LRRC37A2: variants seen among roughly 807,000 people sequenced by gnomAD.
LRRC37A2 encodes the protein leucine rich repeat containing 37 member A2.
Under a neutral mutation model 68.8 loss-of-function variants are expected in LRRC37A2, and 9 were observed. That is an observed-to-expected ratio of 0.13 (90% CI 0.08 to 0.23). The LOEUF is 0.23. Among genes scored for constraint, LRRC37A2 ranks in the 10% least tolerant of loss-of-function variants. The pLI, the probability that LRRC37A2 is intolerant of heterozygous loss-of-function variation, is 1.00. For synonymous variants in LRRC37A2, 63 were observed against 367.6 expected (o/e 0.17, Z 9.48); for missense variants, 168 against 950.4 (o/e 0.18, Z 10.82).
chr17:46,940,484 T>C, the LRRC37A2 span: 2 of 1,613,002 alleles, frequency 1.2e-6, no homozygotes, highest in Non-Finnish European at 1.7e-6. Context: ...GCCAGGGACC[T>C]AGCGCAGGAC....
the LRRC37A2 span, among the ~76,000 whole-genome samples, chr17:46,789,439 G>A: frequency 0.6 from 91,797 of 152,026 alleles, 28,004 homozygotes; most frequent in African/African-American, 0.67. Flanking sequence ...GAGCCTCTGG[G>A]GAGGAGTCCA....
the LRRC37A2 span, chr17:46,934,988 T>C: frequency 1.9e-6 from 3 of 1,597,860 alleles, no homozygotes; most frequent in African/African-American, 1.3e-5. Context: ...AGGAACTGAC[T>C]GATAAGCAAA....
At chr17:46,923,247 G>A in the LRRC37A2 span, 6 of 1,550,870 alleles carry the variant, frequency 3.9e-6, no homozygotes, top group Non-Finnish European at 5.2e-6. Context: ...GGAGCGGGCA[G>A]GGGCTAGACG....
the LRRC37A2 span, among the ~76,000 whole-genome samples, chr17:46,901,173 A>AT: frequency 6.6e-6 from 1 of 151,738 alleles, no homozygotes; most frequent in East Asian, 1.9e-4. Flanking sequence ...TATTATTATT[A>AT]TTTTTTTAGA....
the LRRC37A2 span, among the ~76,000 whole-genome samples, chr17:46,769,303 G>T: frequency 7.1e-6 from 1 of 140,994 alleles, no homozygotes. Flanking sequence ...GCGACTGAGC[G>T]AGACTCCGTC....
chr17:46,874,062 G>C, the LRRC37A2 span, among the ~76,000 whole-genome samples: 1 of 151,780 alleles, frequency 6.6e-6, no homozygotes, highest in Non-Finnish European at 1.5e-5. Flanking sequence ...TGCTCTCCAC[G>C]GTCTGCAGCC....
the LRRC37A2 span, among the ~76,000 whole-genome samples, chr17:46,989,987 C>A: frequency 6.6e-6 from 1 of 152,214 alleles, no homozygotes; most frequent in Non-Finnish European, 1.5e-5. Context: ...TATTGTTAAG[C>A]CATTCCGTTT....
At chr17:47,021,662 T>C in the LRRC37A2 span, 1 of 667,608 alleles carries the variant, frequency 1.5e-6, no homozygotes, top group Non-Finnish European at 2.5e-6. Context: ...GCCTCATCAT[T>C]TGTGCCAGTG....
At chr17:46,531,946 A>G (rs1268383516) in intron 6 of LRRC37A2, among the ~76,000 whole-genome samples, 21 of 142,554 alleles carry the variant, frequency 1.5e-4, no homozygotes, top group African/African-American at 5.1e-4. Flanking sequence ...TGGCTCTTAC[A>G]TTTAGGTATT....
the LRRC37A2 span, among the ~76,000 whole-genome samples, chr17:46,625,921 A>G: frequency 1.4e-5 from 2 of 142,002 alleles, no homozygotes; most frequent in African/African-American, 2.8e-5. Context: ...GCTGCTGCAT[A>G]ACAGGATTTG....
chr17:46,892,474 CCTG>C, the LRRC37A2 span, among the ~76,000 whole-genome samples: 1 of 152,248 alleles, frequency 6.6e-6, no homozygotes, highest in Admixed American at 6.5e-5. Context: ...CCAACTCACT[CCTG>C]CTCAGCCTTA....
chr17:46,794,152 A>G, the LRRC37A2 span, among the ~76,000 whole-genome samples: 1 of 151,988 alleles, frequency 6.6e-6, no homozygotes, highest in Non-Finnish European at 1.5e-5. Flanking sequence ...GAAGGAGGAC[A>G]TAGAACAGGG....
chr17:46,902,100 A>G, the LRRC37A2 span, among the ~76,000 whole-genome samples: 1 of 152,186 alleles, frequency 6.6e-6, no homozygotes, highest in Non-Finnish European at 1.5e-5. Flanking sequence ...GAGCCACGGC[A>G]CTGGGCCGCA....
At chr17:46,866,069 G>T in the LRRC37A2 span, among the ~76,000 whole-genome samples, 8 of 152,322 alleles carry the variant, frequency 5.3e-5, no homozygotes, top group African/African-American at 1.9e-4. Context: ...GCTGCAGGAC[G>T]TCATGGAGGA....
rs553938756 is a variant in LRRC37A2 at position 46,548,851 on chromosome 17, A to C, written c.3712A>C (p.Thr1238Pro). 2.4e-5 allele frequency: 38 copies of C among 1,612,388 alleles called. 4 individuals carry two copies. In the African/African-American group the frequency reaches 3.8e-4, roughly 16 times the overall value. The change falls in exon 10 of 15, where the codon ACC becomes CCC. Residue 1238 changes from threonine to proline, a missense_variant. Coordinates refer to ENST00000576629, the Ensembl canonical transcript of LRRC37A2. ...CGCCGTCTACACCAAGCCTTCCTTC[A>C]CCCAAGAGCATAAGGCAGCAGTCTC...
chr17:46,729,235 A>G, the LRRC37A2 span, among the ~76,000 whole-genome samples: 5 of 152,110 alleles, frequency 3.3e-5, no homozygotes, highest in African/African-American at 9.7e-5. Context: ...ACTACCTCCA[A>G]CTGCCAAGGG....
At chr17:46,979,945 C>G in the LRRC37A2 span, among the ~76,000 whole-genome samples, 2 of 152,042 alleles carry the variant, frequency 1.3e-5, no homozygotes, top group African/African-American at 4.8e-5. Flanking sequence ...CTATTTGTGC[C>G]TTTCTCTAGA....
At chr17:46,906,748 A>G in the LRRC37A2 span, among the ~76,000 whole-genome samples, 1 of 152,098 alleles carries the variant, frequency 6.6e-6, no homozygotes, top group Non-Finnish European at 1.5e-5. Context: ...AGGTTAAGCA[A>G]CTTACCCAAG....
At chr17:46,755,590 A>C in the LRRC37A2 span, 1 of 689,948 alleles carries the variant, frequency 1.4e-6, no homozygotes. Flanking sequence ...TGCAGGAAAA[A>C]CTTAATGGTA....
Sources: gnomAD v4.1 joint callset for allele counts (sites outside exome capture counted in the v4.1 genomes callset) on GRCh38, gnomAD v4.1.1 for gene constraint, MANE v1.5 for transcripts, NCBI Gene and HGNC (gene_info 2026-07-23, HGNC 2026-07-21) for gene names.